The following GALNT13 variants were observed in gnomAD, a reference collection of about 807,000 sequenced individuals.
GALNT13 encodes the protein UDP-GalNAc:polypeptide N-acetylgalactosaminyltransferase 13.
A neutral mutation model predicts 64.2 loss-of-function variants in GALNT13; 28 were observed. The observed-to-expected ratio is 0.44, with a 90% CI of 0.32 to 0.60. The LOEUF (loss-of-function observed/expected upper bound fraction) is 0.60, where lower values mean the gene tolerates loss of function less well. Ranked by LOEUF, GALNT13 falls within the 20% of genes least tolerant of loss-of-function variation. The pLI is 0.05. For synonymous variants in GALNT13, 214 were observed against 224.6 expected (o/e 0.95, Z 0.42); for missense variants, 577 against 669.8 (o/e 0.86, Z 1.53).
At chr2:153,350,142 C>A in the GALNT13 span, among the ~76,000 whole-genome samples, 1 of 151,970 alleles carries the variant, frequency 6.6e-6, no homozygotes, top group Admixed American at 6.6e-5. Flanking sequence ...TAATTGTTGT[C>A]CAACTTTTCC....
intron 4 of GALNT13, among the ~76,000 whole-genome samples, chr2:154,225,197 C>G (rs12104517): frequency 0.19 from 18,351 of 97,806 alleles, 1,336 homozygotes; most frequent in East Asian, 0.43. Flanking sequence ...TAGATAGATA[C>G]AGAGACTGAG....
At chr2:154,078,757 T>C (rs1701117902) in intron 3 of GALNT13, among the ~76,000 whole-genome samples, 2 of 151,668 alleles carry the variant, frequency 1.3e-5, no homozygotes, top group South Asian at 2.1e-4. Flanking sequence ...TTACTGAACA[T>C]ATGTTTGTAT....
chr2:154,441,847 C>T (rs1397127565), intron 12 of GALNT13: 2 of 152,094 alleles, frequency 1.3e-5, no homozygotes, highest in Non-Finnish European at 2.9e-5. Flanking sequence ...TACAGTTCAA[C>T]ACGTATTTAT....
At chr2:153,093,658 T>C in the GALNT13 span, among the ~76,000 whole-genome samples, 1 of 152,204 alleles carries the variant, frequency 6.6e-6, no homozygotes, top group Non-Finnish European at 1.5e-5. Flanking sequence ...TGTGTGTTTG[T>C]CTGGTTTTAG....
At chr2:153,266,305 A>G in the GALNT13 span, among the ~76,000 whole-genome samples, 2 of 152,214 alleles carry the variant, frequency 1.3e-5, no homozygotes, top group Non-Finnish European at 2.9e-5. Flanking sequence ...GTATTTGACA[A>G]CGTTAGAGAA....
At chr2:153,303,668 A>G in the GALNT13 span, among the ~76,000 whole-genome samples, 2 of 152,170 alleles carry the variant, frequency 1.3e-5, no homozygotes, top group African/African-American at 2.4e-5. Flanking sequence ...AAAGTTGAGA[A>G]TAATGTTAGC....
intron 4 of GALNT13, among the ~76,000 whole-genome samples, chr2:154,186,404 T>C (rs2105743337): frequency 6.6e-6 from 1 of 152,246 alleles, no homozygotes; most frequent in Non-Finnish European, 1.5e-5. Context: ...GGGCATGCTC[T>C]CCGTTTCATC....
chr2:154,280,892 C>T (rs1691926888), intron 8 of GALNT13, among the ~76,000 whole-genome samples: 1 of 152,316 alleles, frequency 6.6e-6, no homozygotes, highest in African/African-American at 2.4e-5. Flanking sequence ...AAATCACACA[C>T]ATTTTCCATT....
intron 4 of GALNT13, among the ~76,000 whole-genome samples, chr2:154,225,195 T>TAG (rs758151463): frequency 6.1e-5 from 9 of 147,592 alleles, no homozygotes; most frequent in African/African-American, 1.7e-4. Context: ...GATAGATAGA[T>TAG]ACAGAGACTG....
At chr2:153,511,028 G>C in the GALNT13 span, among the ~76,000 whole-genome samples, 1 of 152,092 alleles carries the variant, frequency 6.6e-6, no homozygotes, top group Non-Finnish European at 1.5e-5. Flanking sequence ...GAGAGAAGCA[G>C]AGAGAAAAAG....
the GALNT13 span, among the ~76,000 whole-genome samples, chr2:153,398,121 G>A: frequency 7.5e-6 from 1 of 133,880 alleles, no homozygotes; most frequent in African/African-American, 2.9e-5. Flanking sequence ...CCCTTCCTGT[G>A]TCCATGAGAT....
chr2:153,977,379 C>T (rs1162710069), intron 3 of GALNT13, among the ~76,000 whole-genome samples: 1 of 152,034 alleles, frequency 6.6e-6, no homozygotes, highest in African/African-American at 2.4e-5. Context: ...CTGGAGAAAC[C>T]TCAGGAAACT....
At chr2:153,573,135 A>G in the GALNT13 span, among the ~76,000 whole-genome samples, 4 of 152,000 alleles carry the variant, frequency 2.6e-5, no homozygotes, top group African/African-American at 9.7e-5. Context: ...TGTTGGGTGC[A>G]TATATATTTA....
the GALNT13 span, among the ~76,000 whole-genome samples, chr2:153,849,754 G>T: frequency 3.9e-5 from 6 of 152,066 alleles, no homozygotes; most frequent in Non-Finnish European, 8.8e-5. Flanking sequence ...GATATGGAGA[G>T]TAGACAGCTG....
At chr2:154,445,551 A>G (rs1701523133) in intron 12 of GALNT13, among the ~76,000 whole-genome samples, 1 of 151,972 alleles carries the variant, frequency 6.6e-6, no homozygotes, top group Non-Finnish European at 1.5e-5. Context: ...TAGTCTTCTT[A>G]AAAAATCAAG....
chr2:153,848,827 C>A, the GALNT13 span, among the ~76,000 whole-genome samples: 1 of 151,610 alleles, frequency 6.6e-6, no homozygotes, highest in Non-Finnish European at 1.5e-5. Context: ...TATTGAAAAC[C>A]TTTCCACAAA....
At chr2:154,177,889 GAC>G in intron 4 of GALNT13, among the ~76,000 whole-genome samples, 1 of 152,170 alleles carries the variant, frequency 6.6e-6, no homozygotes, top group African/African-American at 2.4e-5. Flanking sequence ...AAGGGCCAAG[GAC>G]ACACCAACTT....
the GALNT13 span, among the ~76,000 whole-genome samples, chr2:153,566,355 T>TTTTTTG: frequency 8.8e-5 from 6 of 68,200 alleles, no homozygotes; most frequent in Non-Finnish European, 1.4e-4. Context: ...CACGTTTTTT[T>TTTTTTG]TTTTTTTTTT....
chr2:153,938,034 A>G (rs1691073484), intron 2 of GALNT13, among the ~76,000 whole-genome samples: 1 of 152,196 alleles, frequency 6.6e-6, no homozygotes, highest in Non-Finnish European at 1.5e-5. Flanking sequence ...AGAGAGGTGT[A>G]TGGTGAAATT....
Sources: gnomAD v4.1 joint callset for allele counts (sites outside exome capture counted in the v4.1 genomes callset) on GRCh38, gnomAD v4.1.1 for gene constraint, MANE v1.5 for transcripts, NCBI Gene and HGNC (gene_info 2026-07-23, HGNC 2026-07-21) for gene names.